SLC44A5: variants seen among roughly 807,000 people sequenced by gnomAD.
The protein encoded by SLC44A5 is choline transporter-like protein 5.
In SLC44A5, 57 loss-of-function variants were observed where a neutral mutation model predicts 101.8. The ratio of observed to expected loss-of-function variants is 0.56; its 90% CI spans 0.45 to 0.70. The LOEUF (loss-of-function observed/expected upper bound fraction) is 0.70, where lower values mean the gene tolerates loss of function less well. SLC44A5 is among the 30% of genes least tolerant of loss of function. The pLI is 0.00. For missense variants in SLC44A5, 737 were observed against 853.1 expected, an observed-to-expected ratio of 0.86 and a Z score of 1.70; for synonymous variants, 281 against 290.9, an observed-to-expected ratio of 0.97 and a Z score of 0.35.
intron 2 of SLC44A5, among the ~76,000 whole-genome samples, chr1:75,418,538 AAAATGGGGAAAGCATTCCAGG>A (rs1261198985): frequency 1.3e-5 from 2 of 152,116 alleles, no homozygotes; most frequent in Non-Finnish European, 2.9e-5. Context: ...TCCCTAAGAG[AAAATGGGGAAAGCATTCCAGG>A]CAGAGACAAG....
chr1:75,569,235 T>A (rs1672940789), intron 1 of SLC44A5, among the ~76,000 whole-genome samples: 1 of 124,986 alleles, frequency 8.0e-6, no homozygotes, highest in Non-Finnish European at 1.7e-5. Context: ...CATTCATCTC[T>A]ACCTTTTTTT....
intron 4 of SLC44A5, among the ~76,000 whole-genome samples, chr1:75,312,624 C>T (rs1655395170): frequency 6.6e-6 from 1 of 151,604 alleles, no homozygotes; most frequent in South Asian, 2.1e-4. Flanking sequence ...TCCCACACTC[C>T]AGAACTATGT....
the SLC44A5 span, among the ~76,000 whole-genome samples, chr1:75,632,118 A>G: frequency 6.6e-6 from 1 of 152,166 alleles, no homozygotes; most frequent in African/African-American, 2.4e-5. Context: ...TACCTTTTCC[A>G]TGAAGAATTC....
At chr1:75,681,287 G>T in the SLC44A5 span, among the ~76,000 whole-genome samples, 1 of 152,154 alleles carries the variant, frequency 6.6e-6, no homozygotes, top group African/African-American at 2.4e-5. Flanking sequence ...TACCAAAGCC[G>T]GGCAGAGACA....
At chr1:75,612,822 G>A (rs1675712452), upstream of SLC44A5, among the ~76,000 whole-genome samples, 1 of 152,000 alleles carries the variant, frequency 6.6e-6, no homozygotes, top group Non-Finnish European at 1.5e-5. Context: ...AAAGGCAGGG[G>A]TGGGGGTGGT....
chr1:75,644,915 T>A, the SLC44A5 span, among the ~76,000 whole-genome samples: 1 of 151,654 alleles, frequency 6.6e-6, no homozygotes, highest in African/African-American at 2.4e-5. Context: ...CTGAGAATGA[T>A]GGTTTCCAGC....
At chr1:75,582,037 A>G (rs1673724915) in intron 1 of SLC44A5, 1 of 643,522 alleles carries the variant, frequency 1.6e-6, no homozygotes, top group Non-Finnish European at 2.8e-6. Flanking sequence ...AGTTATATAC[A>G]AAAGGATACT....
In SLC44A5 at chr1:75,203,027, A is replaced by G. The variant is rs1236544121; in HGVS notation, c.*700T>C. 6.6e-6 allele frequency: 1 copy of G among 152,236 alleles called. No individual in the cohort carries two copies. 9.4% of individuals were successfully genotyped at this position (152,236 alleles called of 1,614,324 possible). On this transcript the variant is annotated 3_prime_UTR_variant, in exon 24 of 24. Transcript: ENST00000370859. ...CAGAGCAAAATGACAAATGTTTTCCAATCAGTGAGCTAAGAGTGAAACAAA... is the reference window on the plus strand; with the variant it reads ...CAGAGCAAAATGACAAATGTTTTCCGATCAGTGAGCTAAGAGTGAAACAAA...
intron 3 of SLC44A5, among the ~76,000 whole-genome samples, chr1:75,364,364 A>G (rs1396911412): frequency 6.6e-6 from 1 of 152,186 alleles, no homozygotes; most frequent in African/African-American, 2.4e-5. Context: ...GGAACATCAC[A>G]TGGCCAGAGC....
At chr1:75,628,265 T>C in the SLC44A5 span, among the ~76,000 whole-genome samples, 1 of 152,170 alleles carries the variant, frequency 6.6e-6, no homozygotes, top group Non-Finnish European at 1.5e-5. Context: ...GCTTTCATAG[T>C]TCCCTCTCTG....
chr1:75,265,593 TA>T (rs1234953193), intron 6 of SLC44A5, among the ~76,000 whole-genome samples: 1 of 152,200 alleles, frequency 6.6e-6, no homozygotes, highest in African/African-American at 2.4e-5. Flanking sequence ...ATAGAAATGA[TA>T]AATACTTAGG....
intron 1 of SLC44A5, among the ~76,000 whole-genome samples, chr1:75,552,440 T>A (rs1671986323): frequency 6.9e-6 from 1 of 144,056 alleles, no homozygotes; most frequent in Admixed American, 7.2e-5. Context: ...ACACAAAAGT[T>A]TAAAAGTTCT....
chr1:75,537,005 CAAAAAAAAAA>C (rs1167125855), intron 2 of SLC44A5, among the ~76,000 whole-genome samples: 1 of 8,284 alleles, frequency 1.2e-4, no homozygotes, highest in African/African-American at 2.3e-4. Flanking sequence ...GACTCCATCT[CAAAAAAAAAA>C]AAAAAAAAAA....
At chr1:75,443,405 A>C (rs1456138516) in intron 2 of SLC44A5, among the ~76,000 whole-genome samples, 3 of 152,048 alleles carry the variant, frequency 2.0e-5, no homozygotes, top group Non-Finnish European at 4.4e-5. Flanking sequence ...TGGATATTGA[A>C]TATGAAAGGG....
the SLC44A5 span, among the ~76,000 whole-genome samples, chr1:75,687,532 G>C: frequency 6.6e-6 from 1 of 152,040 alleles, no homozygotes; most frequent in African/African-American, 2.4e-5. Flanking sequence ...TTGAACTCCT[G>C]ACCTCAGGTG....
At chr1:75,496,577 A>C (rs72684147) in intron 2 of SLC44A5, among the ~76,000 whole-genome samples, 5,419 of 151,512 alleles carry the variant, frequency 0.036, 157 homozygotes, top group Non-Finnish European at 0.058. Context: ...TGCATATGAC[A>C]TCACAAGCAC....
At chr1:75,282,566 A>G (rs1216221522) in intron 5 of SLC44A5, among the ~76,000 whole-genome samples, 1 of 152,128 alleles carries the variant, frequency 6.6e-6, no homozygotes, top group Non-Finnish European at 1.5e-5. Flanking sequence ...GTTCCCACCA[A>G]AATTTCATCT....
intron 2 of SLC44A5, among the ~76,000 whole-genome samples, chr1:75,444,314 CAAAA>C (rs1352110826): frequency 4.0e-5 from 1 of 25,264 alleles, no homozygotes; most frequent in Admixed American, 4.7e-4. Context: ...AAAACTCTGT[CAAAA>C]AAAAAAAAAA....
intron 2 of SLC44A5, among the ~76,000 whole-genome samples, chr1:75,479,583 C>A (rs980624335): frequency 3.9e-5 from 6 of 152,194 alleles, no homozygotes; most frequent in Admixed American, 2.6e-4. Flanking sequence ...CCACTGATCC[C>A]ACAGAAATAC....
Sources: allele counts gnomAD v4.1 joint callset (sites outside exome capture counted in the v4.1 genomes callset), GRCh38; gene constraint gnomAD v4.1.1; transcripts MANE v1.5; gene names NCBI Gene and HGNC (gene_info 2026-07-23, HGNC 2026-07-21).